Variants in NALF1 observed in about 807,000 individuals in gnomAD.
NALF1 encodes NALCN channel auxiliary factor 1, also known as family with sequence similarity 155 member A.
A neutral mutation model predicts 48.4 loss-of-function variants in NALF1; 3 were observed. That is an observed-to-expected ratio of 0.06 (90% CI 0.03 to 0.16). The LOEUF (loss-of-function observed/expected upper bound fraction) is 0.16, where lower values mean the gene tolerates loss of function less well. Among genes scored for constraint, NALF1 ranks in the 10% least tolerant of loss-of-function variants. The pLI is 1.00. For synonymous variants in NALF1, 262 were observed against 245.7 expected, an observed-to-expected ratio of 1.07 and a Z score of -0.62; for missense variants, 526 against 571.5, an observed-to-expected ratio of 0.92 and a Z score of 0.81.
At chr13:107,796,010 G>T (rs1278603353) in intron 1 of NALF1, among the ~76,000 whole-genome samples, 1 of 152,088 alleles carries the variant, frequency 6.6e-6, no homozygotes, top group Non-Finnish European at 1.5e-5. Context: ...GTTGATATTG[G>T]TGAGTGTCTT....
At chr13:107,835,625 CCA>C (rs10627787) in intron 1 of NALF1, among the ~76,000 whole-genome samples, 1 of 151,880 alleles carries the variant, frequency 6.6e-6, no homozygotes, top group Admixed American at 6.6e-5. Flanking sequence ...GGCACAAGAC[CCA>C]CACACACACC....
At chr13:107,221,057 A>G (rs2138815166) in intron 1 of NALF1, among the ~76,000 whole-genome samples, 1 of 152,310 alleles carries the variant, frequency 6.6e-6, no homozygotes, top group Middle Eastern at 3.4e-3. Context: ...ATTCTCATTT[A>G]TAAGTGGGAG....
chr13:107,818,002 T>C (rs147633849), intron 1 of NALF1, among the ~76,000 whole-genome samples: 15 of 152,338 alleles, frequency 9.8e-5, no homozygotes, highest in Admixed American at 9.8e-4. Context: ...AAGGGGATAT[T>C]TGTTGGTAGA....
intron 1 of NALF1, among the ~76,000 whole-genome samples, chr13:107,305,257 T>A (rs1881912788): frequency 6.6e-6 from 1 of 152,076 alleles, no homozygotes; most frequent in Non-Finnish European, 1.5e-5. Flanking sequence ...TTAGTCTGAT[T>A]GCATTAAAGA....
At chr13:107,207,307 A>T (rs1879664207) in intron 2 of NALF1, among the ~76,000 whole-genome samples, 1 of 152,190 alleles carries the variant, frequency 6.6e-6, no homozygotes. Context: ...TTTTCAGAGA[A>T]AAAAAACAGA....
chr13:107,862,294 G>C (rs1225443113), intron 1 of NALF1, among the ~76,000 whole-genome samples: 3 of 152,056 alleles, frequency 2.0e-5, no homozygotes, highest in African/African-American at 7.2e-5. Flanking sequence ...GCATGTATAA[G>C]AGAAAATATG....
At chr13:107,383,339 G>T (rs1011906447) in intron 1 of NALF1, among the ~76,000 whole-genome samples, 6 of 152,070 alleles carry the variant, frequency 3.9e-5, no homozygotes, top group African/African-American at 1.4e-4. Context: ...GTCAAATTTA[G>T]CTTATTTATA....
intron 1 of NALF1, among the ~76,000 whole-genome samples, chr13:107,812,056 T>G (rs1879011415): frequency 6.6e-6 from 1 of 152,188 alleles, no homozygotes; most frequent in South Asian, 2.1e-4. Context: ...ATTTTAATGG[T>G]GGTTAGTATT....
chr13:107,695,185 A>G (rs1881671455), intron 1 of NALF1, among the ~76,000 whole-genome samples: 5 of 152,156 alleles, frequency 3.3e-5, no homozygotes, highest in Non-Finnish European at 2.9e-5. Context: ...CTCAGATATG[A>G]TATAGAACCT....
chr13:107,263,443 G>C (rs78468891), intron 1 of NALF1, among the ~76,000 whole-genome samples: 1 of 151,860 alleles, frequency 6.6e-6, no homozygotes, highest in Non-Finnish European at 1.5e-5. Flanking sequence ...TGGTTGATAC[G>C]GTTTGGCTGT....
chr13:107,609,117 C>T (rs575762207), intron 1 of NALF1, among the ~76,000 whole-genome samples: 29 of 151,556 alleles, frequency 1.9e-4, no homozygotes, highest in South Asian at 8.4e-4. Context: ...CCCAAAACTT[C>T]CACCTCCCTC....
At chr13:107,573,719 A>G (rs193029705) in intron 1 of NALF1, among the ~76,000 whole-genome samples, 2 of 152,236 alleles carry the variant, frequency 1.3e-5, no homozygotes, top group East Asian at 1.9e-4. Flanking sequence ...GAATCATGGC[A>G]TCTGGTCTTT....
At chr13:107,760,701 T>A (rs1005036656) in intron 1 of NALF1, among the ~76,000 whole-genome samples, 11 of 152,172 alleles carry the variant, frequency 7.2e-5, no homozygotes, top group Non-Finnish European at 1.3e-4. Flanking sequence ...GTTACTCAAA[T>A]ACCACGCATG....
In NALF1 at chr13:107,302,638, C is replaced by A. The variant is rs963525720; in HGVS notation, c.916-91883G>T. Among the ~76,000 whole-genome samples the A allele has an allele frequency of 2.0e-5, 3 of 151,954 alleles. No individual in the cohort carries two copies. The East Asian group carries it at 5.8e-4, about 29-fold the overall frequency. On this transcript the variant is annotated intron_variant, in intron 1 of 2. Coordinates refer to ENST00000375915, the MANE Select transcript of NALF1 (RefSeq NM_001080396.3). Reference sequence around the variant, plus strand: ...GATCTGGTGAAGACCTCAAAGCTAACCAAAAACAGATCAAATGAAAAAAAA... The same window carrying A: ...GATCTGGTGAAGACCTCAAAGCTAAACAAAAACAGATCAAATGAAAAAAAA...
Position 107,350,090 on chromosome 13 carries a change from G to T in NALF1, c.916-139335C>A, listed in dbSNP as rs1480938070. Among the ~76,000 whole-genome samples, 3 of 152,176 alleles carry T rather than the reference G, an allele frequency of 2.0e-5. No individual in the cohort carries two copies. The East Asian group carries it at 5.8e-4, about 29-fold the overall frequency. On this transcript the variant is annotated intron_variant, in intron 1 of 2. Coordinates refer to ENST00000375915, the MANE Select transcript of NALF1 (RefSeq NM_001080396.3). Reference sequence around the variant, plus strand: ...GTAGCCACTGATCTGACGGGAGGCAGAGCTCAGGCGGTAATGCTCCATAGC... The same window carrying T: ...GTAGCCACTGATCTGACGGGAGGCATAGCTCAGGCGGTAATGCTCCATAGC...
intron 1 of NALF1, among the ~76,000 whole-genome samples, chr13:107,459,744 ATTTT>A (rs1237528915): frequency 2.0e-5 from 3 of 151,938 alleles, no homozygotes; most frequent in African/African-American, 7.3e-5. Flanking sequence ...CTTATTTTTT[ATTTT>A]TTATTTTCTT....
chr13:107,646,061 G>C (rs1880306759), intron 1 of NALF1, among the ~76,000 whole-genome samples: 1 of 152,040 alleles, frequency 6.6e-6, no homozygotes, highest in South Asian at 2.1e-4. Flanking sequence ...ACAAAAACGG[G>C]CTTCCCTGCT....
chr13:107,489,972 C>T lies in NALF1; in HGVS notation c.916-279217G>A, dbSNP rs139847497. On this transcript the variant is annotated intron_variant, in intron 1 of 2. Coordinates refer to ENST00000375915, the MANE Select transcript of NALF1 (RefSeq NM_001080396.3). ...AGAAGACATGCATGTAGCTAACAAT[C>T]ATCTGAAAGAAATCTCAACATCACT... is the stretch of plus-strand genomic sequence containing the variant. Among the ~76,000 whole-genome samples, 37 of 152,294 alleles carry T rather than the reference C, an allele frequency of 2.4e-4. No homozygotes were observed. The East Asian group carries it at 6.4e-3, about 26-fold the overall frequency.
At chr13:107,267,558 C>A (rs573030369) in intron 1 of NALF1, among the ~76,000 whole-genome samples, 1 of 152,258 alleles carries the variant, frequency 6.6e-6, no homozygotes, top group East Asian at 1.9e-4. Flanking sequence ...AAATGTATTC[C>A]ACTCATTGGA....
Sources: allele counts gnomAD v4.1 joint callset (sites outside exome capture counted in the v4.1 genomes callset), GRCh38; gene constraint gnomAD v4.1.1; transcripts MANE v1.5; gene names NCBI Gene and HGNC (gene_info 2026-07-23, HGNC 2026-07-21).